Variants in SBF2 observed in about 807,000 individuals in gnomAD.
The protein encoded by SBF2 is myotubularin-related protein 13.
Under a neutral mutation model 225.2 loss-of-function variants are expected in SBF2, and 112 were observed. That is an observed-to-expected ratio of 0.50 (90% CI 0.43 to 0.58). The LOEUF is 0.58. Among genes scored for constraint, SBF2 ranks in the 20% least tolerant of loss-of-function variants. The pLI, the probability that SBF2 is intolerant of heterozygous loss-of-function variation, is 0.00. For missense variants in SBF2, 1,996 were observed against 2,206.2 expected (o/e 0.90, Z 1.91); for synonymous variants, 763 against 773.3 (o/e 0.99, Z 0.22).
Position 9,785,243 on chromosome 11 carries a change from G to A in SBF2, c.5113C>T (p.His1705Tyr), listed in dbSNP as rs1852292733. 1 of 1,614,148 alleles carries A rather than the reference G, an allele frequency of 6.2e-7. No individual in the cohort carries two copies. The highest frequency in any genetic ancestry group is 8.5e-7 in the Non-Finnish European group (1 of 1,179,984). Reference protein sequence around the residue: ...LPSYQKRSLLHLPDSSMGEEQ... With the variant: ...LPSYQKRSLLYLPDSSMGEEQ... Reference sequence around the variant, plus strand: ...TCCCCCATGCTGCTGTCTGGGAGATGTAGCAGAGACCTCTTCTGATAGGAA... The same window carrying A: ...TCCCCCATGCTGCTGTCTGGGAGATATAGCAGAGACCTCTTCTGATAGGAA... Residue 1705 changes from histidine to tyrosine, a missense_variant, in exon 37 of 40, where the codon CAT (histidine) becomes TAT (tyrosine). Coordinates refer to ENST00000256190, the MANE Select transcript of SBF2 (RefSeq NM_030962.4).
chr11:9,781,697 T>C (rs922932119), intron 38 of SBF2, 59 bp from the exon 39 acceptor site: 9 of 1,601,196 alleles, frequency 5.6e-6, no homozygotes, highest in Non-Finnish European at 7.7e-6. Context: ...TGCCATGGCT[T>C]TTCAAACTGC....
chr11:9,934,755 G>A (rs71609429), intron 16 of SBF2, among the ~76,000 whole-genome samples: 2 of 152,068 alleles, frequency 1.3e-5, no homozygotes, highest in Admixed American at 1.3e-4. Flanking sequence ...AAATTCAACA[G>A]CCCTTCATGC....
intron 32 of SBF2, among the ~76,000 whole-genome samples, chr11:9,804,698 T>A (rs923604481): frequency 6.6e-6 from 1 of 152,210 alleles, no homozygotes; most frequent in African/African-American, 2.4e-5. Context: ...TAAACTTATG[T>A]AGTAGTCTTT....
chr11:10,175,970 C>G (rs1591139679), intron 2 of SBF2, among the ~76,000 whole-genome samples: 1 of 144,600 alleles, frequency 6.9e-6, no homozygotes, highest in South Asian at 2.3e-4. Context: ...CCAACGAGAA[C>G]AAAGACACAA....
intron 16 of SBF2, among the ~76,000 whole-genome samples, chr11:9,932,520 C>G (rs1361611876): frequency 6.6e-6 from 1 of 152,118 alleles, no homozygotes; most frequent in East Asian, 1.9e-4. Context: ...AATTTCATAT[C>G]CAGCCAAACT....
At chr11:10,186,930 G>GA (rs1321124729) in intron 2 of SBF2, among the ~76,000 whole-genome samples, 1 of 152,172 alleles carries the variant, frequency 6.6e-6, no homozygotes, top group East Asian at 1.9e-4. Flanking sequence ...AATGGTCAAG[G>GA]AAAATTAAGA....
intron 1 of SBF2, among the ~76,000 whole-genome samples, chr11:10,250,296 C>T (rs1244431047): frequency 6.6e-6 from 1 of 152,168 alleles, no homozygotes; most frequent in Non-Finnish European, 1.5e-5. Flanking sequence ...GTTATCTGCG[C>T]TATGCACCTA....
chr11:9,791,209 G>A (rs996191620), intron 33 of SBF2: 1 of 152,210 alleles, frequency 6.6e-6, no homozygotes, highest in Non-Finnish European at 1.5e-5. Context: ...GTGTCCTTGG[G>A]TGACTTAAAA....
intron 21 of SBF2, among the ~76,000 whole-genome samples, chr11:9,852,209 G>A (rs902641542): frequency 1.1e-4 from 17 of 152,270 alleles, no homozygotes; most frequent in African/African-American, 4.1e-4. Flanking sequence ...CATGTTCTGG[G>A]GTACTCCAAT....
chr11:10,179,774 C>G (rs1591151676), intron 2 of SBF2, among the ~76,000 whole-genome samples: 1 of 152,080 alleles, frequency 6.6e-6, no homozygotes, highest in Non-Finnish European at 1.5e-5. Flanking sequence ...TCTTCTCTTC[C>G]TTGTTTCCTT....
chr11:9,852,830 A>G, intron 20 of SBF2, 81 bp from the exon 21 acceptor site: 4 of 1,061,620 alleles, frequency 3.8e-6, no homozygotes, highest in East Asian at 4.7e-5. Flanking sequence ...TAGAATTAAA[A>G]GTTAATTACA....
intron 2 of SBF2, among the ~76,000 whole-genome samples, chr11:10,183,115 A>G (rs1050093454): frequency 2.0e-5 from 3 of 152,302 alleles, no homozygotes; most frequent in South Asian, 4.1e-4. Flanking sequence ...CATGTTGCCC[A>G]GGGTGATCAT....
Position 9,856,624 on chromosome 11 carries a change from G to C in SBF2, c.2197C>G (p.Gln733Glu), listed in dbSNP as rs145199888. The change falls in exon 19 of 40, where the codon CAA becomes GAA. Residue 733 changes from glutamine (Q) to glutamate (E), a missense_variant. Coordinates refer to ENST00000256190, the MANE Select transcript of SBF2 (RefSeq NM_030962.4). ...CTTTCCTCATGTTGCACTAGCTCTTGCTGAGTTGACTTGCTCAGGGTAGGC... is the reference window on the plus strand; with the variant it reads ...CTTTCCTCATGTTGCACTAGCTCTTCCTGAGTTGACTTGCTCAGGGTAGGC... Reference protein sequence around the residue: ...LWPTLSKSTQQELVQHEESTV... With the variant: ...LWPTLSKSTQEELVQHEESTV... The C allele has an allele frequency of 1.8e-4, 295 of 1,614,026 alleles. No individual in the cohort carries two copies. The highest frequency in any genetic ancestry group is 2.3e-4 in the Non-Finnish European group (275 of 1,180,024).
chr11:10,299,556 G>T (rs1306829900), intron 1 of SBF2, among the ~76,000 whole-genome samples: 2 of 152,180 alleles, frequency 1.3e-5, no homozygotes, highest in Non-Finnish European at 2.9e-5. Flanking sequence ...AAATGAAAAT[G>T]TAGGACTGCC....
intron 6 of SBF2, among the ~76,000 whole-genome samples, chr11:10,014,505 TAAAAAAA>T (rs1181315538): frequency 1.4e-5 from 1 of 70,804 alleles, no homozygotes; most frequent in African/African-American, 6.1e-5. Context: ...CCATTTCAAC[TAAAAAAA>T]AAAAAAAAAA....
intron 2 of SBF2, among the ~76,000 whole-genome samples, chr11:10,078,111 T>A (rs916731796): frequency 1.3e-5 from 2 of 152,200 alleles, no homozygotes; most frequent in African/African-American, 4.8e-5. Context: ...CCATTTAGAA[T>A]GGCGATCATT....
intron 28 of SBF2, among the ~76,000 whole-genome samples, chr11:9,817,868 A>C (rs1313737124): frequency 6.6e-6 from 1 of 152,120 alleles, no homozygotes; most frequent in African/African-American, 2.4e-5. Flanking sequence ...TGCGCTACAT[A>C]CTGGGCAACA....
intron 27 of SBF2, among the ~76,000 whole-genome samples, chr11:9,830,965 A>T (rs1461905064): frequency 6.6e-6 from 1 of 152,260 alleles, no homozygotes; most frequent in Non-Finnish European, 1.5e-5. Context: ...CTCATTTTAC[A>T]TAACATATAT....
At chr11:9,830,633 G>A (rs1000822129) in intron 27 of SBF2, among the ~76,000 whole-genome samples, 3 of 151,478 alleles carry the variant, frequency 2.0e-5, no homozygotes, top group Admixed American at 1.3e-4. Context: ...CCAGCTACTC[G>A]GGAGGCTGAG....
Sources: gnomAD v4.1 joint callset for allele counts (sites outside exome capture counted in the v4.1 genomes callset) on GRCh38, gnomAD v4.1.1 for gene constraint, MANE v1.5 for transcripts, NCBI Gene and HGNC (gene_info 2026-07-23, HGNC 2026-07-21) for gene names.